The following CDKAL1 variants were observed in gnomAD, a reference collection of about 807,000 sequenced individuals.
The protein encoded by CDKAL1 is threonylcarbamoyladenosine tRNA methylthiotransferase.
CDKAL1 carries 32 observed loss-of-function variants against 68.2 expected under a neutral mutation model. The observed-to-expected ratio is 0.47, with a 90% CI of 0.35 to 0.63. The LOEUF is 0.63. Among genes scored for constraint, CDKAL1 ranks in the 30% least tolerant of loss-of-function variants. The pLI, the probability that CDKAL1 is intolerant of heterozygous loss-of-function variation, is 0.00. For missense variants in CDKAL1, 606 were observed against 696.7 expected (o/e 0.87, Z 1.47); for synonymous variants, 234 against 244.3 (o/e 0.96, Z 0.39).
chr6:20,990,100 GGGCGTGGTGGCACGTGCCT>G (rs1255451559), intron 10 of CDKAL1, among the ~76,000 whole-genome samples: 1 of 152,062 alleles, frequency 6.6e-6, no homozygotes, highest in African/African-American at 2.4e-5. Context: ...CAAATTAGCT[GGGCGTGGTGGCACGTGCCT>G]GTAGTCCCAG....
At chr6:20,809,351 A>T (rs191184328) in intron 8 of CDKAL1, among the ~76,000 whole-genome samples, 58 of 152,262 alleles carry the variant, frequency 3.8e-4, no homozygotes, top group African/African-American at 1.3e-3. Flanking sequence ...ATCACTAATG[A>T]TTTTTAACTT....
chr6:20,851,859 T>C (rs1246211336), intron 9 of CDKAL1, among the ~76,000 whole-genome samples: 2 of 151,976 alleles, frequency 1.3e-5, no homozygotes, highest in African/African-American at 2.4e-5. Context: ...GATTTTCTAT[T>C]GTATAAGCTT....
At chr6:20,749,590 C>T (rs1392790997) in intron 6 of CDKAL1, among the ~76,000 whole-genome samples, 1 of 151,856 alleles carries the variant, frequency 6.6e-6, no homozygotes, top group Non-Finnish European at 1.5e-5. Context: ...CTCCATCCCC[C>T]AGGCTAGAGT....
intron 10 of CDKAL1, among the ~76,000 whole-genome samples, chr6:20,999,594 G>T (rs186494260): frequency 3.5e-4 from 52 of 148,904 alleles, no homozygotes; most frequent in Non-Finnish European, 1.5e-5. Context: ...CAGTGGTGAA[G>T]TGGCTGGCCT....
intron 4 of CDKAL1, among the ~76,000 whole-genome samples, chr6:20,589,519 A>G (rs936283521): frequency 1.3e-5 from 2 of 152,280 alleles, no homozygotes; most frequent in East Asian, 3.9e-4. Context: ...TTGTTTCTCA[A>G]GTTTCCTTTG....
intron 10 of CDKAL1, among the ~76,000 whole-genome samples, chr6:20,978,656 A>C (rs1273623680): frequency 6.6e-6 from 1 of 152,200 alleles, no homozygotes; most frequent in African/African-American, 2.4e-5. Flanking sequence ...ACAAGCTAAT[A>C]ATTTATTACT....
intron 9 of CDKAL1, among the ~76,000 whole-genome samples, chr6:20,862,400 A>T (rs1759678569): frequency 6.6e-6 from 1 of 152,202 alleles, no homozygotes; most frequent in Non-Finnish European, 1.5e-5. Context: ...CTCTTATCCA[A>T]CCTCAGTTTT....
At chr6:21,161,790 A>G (rs973604139) in intron 13 of CDKAL1, among the ~76,000 whole-genome samples, 2 of 152,228 alleles carry the variant, frequency 1.3e-5, no homozygotes, top group Non-Finnish European at 2.9e-5. Context: ...GGAATTTATT[A>G]GGCTTTTATT....
intron 12 of CDKAL1, among the ~76,000 whole-genome samples, chr6:21,074,350 A>T (rs1457349656): frequency 6.6e-6 from 1 of 152,184 alleles, no homozygotes; most frequent in Admixed American, 6.5e-5. Context: ...GGACTAAGTC[A>T]TATTGGATTA....
intron 9 of CDKAL1, among the ~76,000 whole-genome samples, chr6:20,879,675 A>G (rs1760715044): frequency 6.6e-6 from 1 of 152,090 alleles, no homozygotes; most frequent in Non-Finnish European, 1.5e-5. Flanking sequence ...GATTTCCTGC[A>G]TTTCTCACTT....
rs79068004 is a variant in CDKAL1 at position 20,561,868 on chromosome 6, T to G, written c.286+13163T>G. On this transcript the variant is annotated intron_variant, in intron 4 of 15. Transcript: ENST00000274695. ...GTGTGTATGGGAATCCCTTGAGTTT[T>G]TCAGTAAAATTCTATTTGGGTGGCT... Among the ~76,000 whole-genome samples the G allele has an allele frequency of 3.6e-3, 552 of 152,318 alleles. 6 individuals carry two copies. Among genetic ancestry groups the G allele is most frequent in the African/African-American group, 0.013 (531 of 41,580 alleles).
intron 13 of CDKAL1, among the ~76,000 whole-genome samples, chr6:21,116,833 C>T (rs572937292): frequency 6.8e-4 from 103 of 152,258 alleles, no homozygotes; most frequent in African/African-American, 2.3e-3. Flanking sequence ...TTATTTACCA[C>T]GCCTAAAAGT....
rs57097019 is a variant in CDKAL1, at chr6:21,217,294, C to CT, written c.1549-13537dup. Among the ~76,000 whole-genome samples the CT allele has an allele frequency of 1.1e-3, 152 of 142,890 alleles. 2 individuals are homozygous for CT. Among genetic ancestry groups the CT allele is most frequent in the Middle Eastern group, 3.6e-3 (1 of 278 alleles). The allele number at this position is 142,890 out of a possible 152,430, so 93.7% of individuals were successfully genotyped here. The stretch of plus-strand genomic sequence containing the variant: ...TCATTGATGTTTAGGATTTCTTTTT[C>CT]TTTTTTTTTTTTTTTTTGAGTCAGG... On this transcript the variant is annotated intron_variant, in intron 15 of 15. Transcript: ENST00000274695.
chr6:20,666,177 A>G (rs1421847812), intron 5 of CDKAL1, among the ~76,000 whole-genome samples: 1 of 152,282 alleles, frequency 6.6e-6, no homozygotes, highest in African/African-American at 2.4e-5. Flanking sequence ...CAGGCAATTT[A>G]TGAAAGAGGA....
At chr6:21,195,369 G>A (rs886669727) in intron 13 of CDKAL1, among the ~76,000 whole-genome samples, 9 of 152,048 alleles carry the variant, frequency 5.9e-5, no homozygotes, top group African/African-American at 2.2e-4. Flanking sequence ...CACCACGTTG[G>A]CCAGGCTGGT....
intron 7 of CDKAL1, among the ~76,000 whole-genome samples, chr6:20,759,721 C>A (rs1244190107): frequency 6.6e-6 from 1 of 152,106 alleles, no homozygotes; most frequent in Non-Finnish European, 1.5e-5. Flanking sequence ...ATTTTGTTAG[C>A]CAACACTCAC....
chr6:21,191,992 CTTTTTTTTTTTTTTTTTTTTTT>C (rs145894251), intron 13 of CDKAL1, among the ~76,000 whole-genome samples: 38 of 34,534 alleles, frequency 1.1e-3, no homozygotes, highest in South Asian at 5.5e-3. Flanking sequence ...ATTCATTTTT[CTTTTTTTTTTTTTTTTTTTTTT>C]TTTTTTTTTT....
chr6:20,885,886 C>T (rs915459496), intron 9 of CDKAL1, among the ~76,000 whole-genome samples: 1 of 152,030 alleles, frequency 6.6e-6, no homozygotes, highest in African/African-American at 2.4e-5. Flanking sequence ...AGTTGGAGAC[C>T]AGCTTGGCCA....
intron 5 of CDKAL1, among the ~76,000 whole-genome samples, chr6:20,669,971 T>TA (rs113960849): frequency 0.092 from 13,944 of 152,062 alleles, 2,052 homozygotes; most frequent in African/African-American, 0.31. Context: ...GTATATGTAT[T>TA]AAAAAAACAC....
Sources: gnomAD v4.1 joint callset for allele counts (sites outside exome capture counted in the v4.1 genomes callset) on GRCh38, gnomAD v4.1.1 for gene constraint, MANE v1.5 for transcripts, NCBI Gene and HGNC (gene_info 2026-07-23, HGNC 2026-07-21) for gene names.